Variants in PAG1 observed in about 807,000 individuals in gnomAD.
The protein encoded by PAG1 is phosphoprotein membrane anchor with glycosphingolipid microdomains 1, also known as phosphoprotein associated with glycosphingolipid-enriched microdomains 1.
In PAG1, 23 loss-of-function variants were observed where a neutral mutation model predicts 31.7. The ratio of observed to expected loss-of-function variants is 0.73; its 90% CI spans 0.52 to 1.03. PAG1 has a LOEUF of 1.03. PAG1 is among the 50% of genes least tolerant of loss of function. The pLI is 0.00. For missense variants in PAG1, 473 were observed against 540.7 expected, an observed-to-expected ratio of 0.87 and a Z score of 1.24; for synonymous variants, 214 against 210.3, an observed-to-expected ratio of 1.02 and a Z score of -0.15.
chr8:80,991,589 A>G lies in PAG1; in HGVS notation c.126-59T>C. 5.3e-6 allele frequency: 6 copies of G among 1,137,788 alleles called. No individual in the cohort carries two copies. The South Asian group carries it at 7.4e-5, about 14-fold the overall frequency. The allele number at this position is 1,137,788 out of a possible 1,614,324, so 70.5% of individuals were successfully genotyped here. A position where few individuals can be genotyped will look rare whatever the true frequency, so the allele number is the denominator to read the frequency against. ...TGTGCCCCCTTAAAATCAAGCGCAC[A>G]CTACCCTTTCCTATCCCAATTCTTA... On this transcript the variant is annotated intron_variant, in intron 4 of 8. Coordinates refer to ENST00000220597, the MANE Select transcript of PAG1 (RefSeq NM_018440.4).
chr8:81,003,903 T>C (rs1432675629), intron 3 of PAG1, among the ~76,000 whole-genome samples: 1 of 152,142 alleles, frequency 6.6e-6, no homozygotes, highest in East Asian at 1.9e-4. Context: ...GTTAGGTGGA[T>C]GTCAGGAAGA....
chr8:81,083,891 C>T (rs1468180407), intron 1 of PAG1, among the ~76,000 whole-genome samples: 1 of 151,960 alleles, frequency 6.6e-6, no homozygotes, highest in Non-Finnish European at 1.5e-5. Context: ...AAAAATTAGC[C>T]AGGCGTGGTG....
rs192419550 is a variant in PAG1 at position 81,036,897 on chromosome 8, T to C, written c.-174-6808A>G. On this transcript the variant is annotated intron_variant, in intron 2 of 8. Transcript: ENST00000220597. ...TTCATTTTTCACACACTCGAACAGC[T>C]GAAATCCCTGATGTATGCAAAGCAG... is the stretch of plus-strand genomic sequence containing the variant. The C allele has an allele frequency of 1.3e-3, 198 of 152,298 alleles. 1 individual carries two copies. The highest frequency in any genetic ancestry group is 4.6e-3 in the African/African-American group (191 of 41,558). The allele number at this position is 152,298 out of a possible 1,614,324, so 9.4% of individuals were successfully genotyped here. A position where few individuals can be genotyped will look rare whatever the true frequency, so the allele number is the denominator to read the frequency against.
chr8:81,060,892 A>G (rs967569325), intron 2 of PAG1, among the ~76,000 whole-genome samples: 1 of 152,238 alleles, frequency 6.6e-6, no homozygotes, highest in Non-Finnish European at 1.5e-5. Context: ...CACAGAACCA[A>G]CATTTGCTTG....
At chr8:80,984,733 G>T (rs1186915334) in intron 7 of PAG1, 43 bp downstream of exon 7, 3 of 1,570,454 alleles carry the variant, frequency 1.9e-6, no homozygotes, top group Non-Finnish European at 2.6e-6. Context: ...TTCCTAACCA[G>T]AACAGGAACC....
intron 1 of PAG1, among the ~76,000 whole-genome samples, chr8:81,104,347 C>A (rs1426833365): frequency 6.6e-6 from 1 of 151,524 alleles, no homozygotes; most frequent in Non-Finnish European, 1.5e-5. Flanking sequence ...TCTTACTATG[C>A]CATCTCTTTT....
At chr8:80,997,025 T>C (rs1330737309) in intron 3 of PAG1, among the ~76,000 whole-genome samples, 1 of 152,204 alleles carries the variant, frequency 6.6e-6, no homozygotes, top group Non-Finnish European at 1.5e-5. Flanking sequence ...GACTCTACAC[T>C]GTGCCACCCA....
chr8:81,048,054 C>G (rs1456770307), intron 2 of PAG1, among the ~76,000 whole-genome samples: 1 of 152,160 alleles, frequency 6.6e-6, no homozygotes, highest in Non-Finnish European at 1.5e-5. Context: ...CTTTCCAGCC[C>G]TCTGTAACCT....
At chr8:81,078,868 A>G (rs1399614533) in intron 1 of PAG1, among the ~76,000 whole-genome samples, 1 of 152,128 alleles carries the variant, frequency 6.6e-6, no homozygotes, top group Non-Finnish European at 1.5e-5. Context: ...TGACAGAGTG[A>G]GGCAGAAACT....
chr8:81,091,315 C>T (rs1313322291), intron 1 of PAG1, among the ~76,000 whole-genome samples: 1 of 152,052 alleles, frequency 6.6e-6, no homozygotes, highest in Non-Finnish European at 1.5e-5. Flanking sequence ...TTGTATCAGG[C>T]ACCTAAGGGA....
intron 6 of PAG1, 57 bp downstream of exon 6, chr8:80,987,313 A>T: frequency 9.4e-7 from 1 of 1,064,974 alleles, no homozygotes; most frequent in Non-Finnish European, 1.5e-6. Context: ...TTTGAAACCT[A>T]GGACTTCCAG....
At chr8:81,081,290 T>G (rs564633337) in intron 1 of PAG1, among the ~76,000 whole-genome samples, 1 of 152,262 alleles carries the variant, frequency 6.6e-6, no homozygotes, top group African/African-American at 2.4e-5. Flanking sequence ...GTTCTTTATA[T>G]ATGATATAGC....
intron 3 of PAG1, among the ~76,000 whole-genome samples, chr8:80,996,728 G>C (rs1176797199): frequency 6.6e-6 from 1 of 152,184 alleles, no homozygotes; most frequent in Non-Finnish European, 1.5e-5. Context: ...CCCCTAGGCT[G>C]GACCCTCATG....
At chr8:81,099,746 A>G (rs1005593005) in intron 1 of PAG1, among the ~76,000 whole-genome samples, 1 of 152,212 alleles carries the variant, frequency 6.6e-6, no homozygotes, top group Non-Finnish European at 1.5e-5. Context: ...CACAGGCACA[A>G]GGGAGCTTTT....
At chr8:81,020,137 T>C (rs1808138083) in intron 3 of PAG1, among the ~76,000 whole-genome samples, 1 of 152,246 alleles carries the variant, frequency 6.6e-6, no homozygotes, top group Non-Finnish European at 1.5e-5. Context: ...ACCCCCATTA[T>C]ATCTGGGAAA....
rs185882615 is a variant in PAG1 at position 80,974,349 on chromosome 8, C to T, written c.*2195G>A. 10 of 152,002 alleles carry T rather than the reference C, an allele frequency of 6.6e-5. No homozygotes were observed. Among genetic ancestry groups the T allele is most frequent in the African/African-American group, 2.4e-4 (10 of 41,372 alleles). The allele number at this position is 152,002 out of a possible 1,614,324, so 9.4% of individuals were successfully genotyped here. ...TAAAGAACCCCATCATGTGAGAGAT[C>T]GCTCAAAGTCATTAACACAAAGCAG... is the stretch of plus-strand genomic sequence containing the variant. On this transcript the variant is annotated 3_prime_UTR_variant, in exon 9 of 9. Transcript: ENST00000220597.
chr8:81,079,911 G>A (rs1219048675), intron 1 of PAG1, among the ~76,000 whole-genome samples: 1 of 151,856 alleles, frequency 6.6e-6, no homozygotes, highest in Admixed American at 6.6e-5. Context: ...TGGGACTAAA[G>A]GCACATACCC....
chr8:81,047,542 G>A lies in PAG1; in HGVS notation c.-174-17453C>T, dbSNP rs116182051. Among the ~76,000 whole-genome samples, 991 of 152,224 alleles carry A rather than the reference G, an allele frequency of 6.5e-3. 14 individuals are homozygous for A. Among genetic ancestry groups the A allele is most frequent in the African/African-American group, 0.023 (943 of 41,528 alleles). ...AATGTATACAATAATCACTTAAACA[G>A]AAACAGAAGCCTTTAAAATCAAAAG... On this transcript the variant is annotated intron_variant, in intron 2 of 8. Transcript: ENST00000220597.
intron 1 of PAG1, among the ~76,000 whole-genome samples, chr8:81,106,065 C>T (rs956168875): frequency 6.6e-6 from 1 of 152,140 alleles, no homozygotes; most frequent in Non-Finnish European, 1.5e-5. Flanking sequence ...TATTCTGAGA[C>T]AAAGTCTTAC....
Sources: allele counts gnomAD v4.1 joint callset (sites outside exome capture counted in the v4.1 genomes callset), GRCh38; gene constraint gnomAD v4.1.1; transcripts MANE v1.5; gene names NCBI Gene and HGNC (gene_info 2026-07-23, HGNC 2026-07-21).